PARD3B: variants seen among roughly 807,000 people sequenced by gnomAD.
The protein encoded by PARD3B is par-3 family cell polarity regulator beta.
A neutral mutation model predicts 130.2 loss-of-function variants in PARD3B; 103 were observed. That is an observed-to-expected ratio of 0.79 (90% CI 0.67 to 0.93). The LOEUF is 0.93. PARD3B is among the 40% of genes least tolerant of loss of function. The probability of loss-of-function intolerance (pLI) is 0.00; values close to 1 mark genes in which losing one functional copy is unlikely to be tolerated. For missense variants in PARD3B, 1,609 were observed against 1,499.2 expected (o/e 1.07, Z -1.21); for synonymous variants, 583 against 553.2 (o/e 1.05, Z -0.76).
intron 2 of PARD3B, among the ~76,000 whole-genome samples, chr2:204,755,610 C>T (rs1326384483): frequency 6.6e-6 from 1 of 152,134 alleles, no homozygotes; most frequent in Non-Finnish European, 1.5e-5. Context: ...TAATATTTTT[C>T]TCCCAGTAAA....
intron 15 of PARD3B, among the ~76,000 whole-genome samples, chr2:205,234,191 A>G (rs1379737284): frequency 6.6e-6 from 1 of 152,200 alleles, no homozygotes; most frequent in Admixed American, 6.5e-5. Flanking sequence ...ATGGTGGCTC[A>G]TGCCTGTAAT....
chr2:205,197,032 G>GTGT (rs1398810056), intron 15 of PARD3B, among the ~76,000 whole-genome samples: 3,376 of 54,638 alleles, frequency 0.062, 60 homozygotes, highest in East Asian at 0.088. Flanking sequence ...GTGGGGGGGG[G>GTGT]GTGTGTGTGT....
At chr2:204,602,245 A>T (rs185408621) in intron 1 of PARD3B, among the ~76,000 whole-genome samples, 1 of 152,180 alleles carries the variant, frequency 6.6e-6, no homozygotes, top group South Asian at 2.1e-4. Flanking sequence ...CAACAATACA[A>T]GTATCAGATG....
At chr2:205,587,593 T>C (rs2054243709) in intron 22 of PARD3B, among the ~76,000 whole-genome samples, 1 of 152,224 alleles carries the variant, frequency 6.6e-6, no homozygotes, top group Non-Finnish European at 1.5e-5. Context: ...CTTCTCTCTG[T>C]GGCTTTCCCT....
intron 22 of PARD3B, among the ~76,000 whole-genome samples, chr2:205,559,745 C>T (rs1365742743): frequency 6.6e-6 from 1 of 151,886 alleles, no homozygotes. Flanking sequence ...ATTACAGGCA[C>T]GCACCACCAT....
intron 20 of PARD3B, among the ~76,000 whole-genome samples, chr2:205,448,574 A>G (rs550492549): frequency 2.6e-4 from 40 of 152,342 alleles, no homozygotes; most frequent in African/African-American, 9.1e-4. Context: ...ATTTTAAAGT[A>G]TGGATTTTTG....
chr2:204,996,790 G>GT (rs1373447789), intron 3 of PARD3B, among the ~76,000 whole-genome samples: 1 of 148,542 alleles, frequency 6.7e-6, no homozygotes, highest in Non-Finnish European at 1.5e-5. Context: ...GTGGTGCGCC[G>GT]TTTTTTAAGC....
At chr2:205,112,629 G>A (rs1703724155) in intron 5 of PARD3B, among the ~76,000 whole-genome samples, 1 of 152,006 alleles carries the variant, frequency 6.6e-6, no homozygotes, top group Admixed American at 6.6e-5. Context: ...TATTTTCTCT[G>A]TGGGATTAAC....
chr2:205,193,232 T>C lies in PARD3B; in HGVS notation c.2052T>C (p.Phe684=), dbSNP rs752417974. The C allele has an allele frequency of 6.2e-7, 1 of 1,612,612 alleles. No individual in the cohort carries two copies. Among genetic ancestry groups the C allele is most frequent in the Non-Finnish European group, 8.5e-7 (1 of 1,178,624 alleles). ...CTGGGGTGGATTCAGCAGTATATTT[T>C]CCAGATCAGCACATCAACTTCAGAT... ...HSSGVDSAVY[F]PDQHINFRSV... Residue 684 remains phenylalanine, a synonymous_variant, in exon 15 of 23, where the codon TTT becomes TTC. Coordinates refer to ENST00000406610, the MANE Select transcript of PARD3B (RefSeq NM_001302769.2).
In PARD3B at chr2:205,205,926, G is replaced by T. The variant is rs1400485971; in HGVS notation, c.2140+12606G>T. ...AATTTTCTTCTTTGGTTGTGCCTCT[G>T]CCAGGCTTTGGTATCAGGATGATGC... On this transcript the variant is annotated intron_variant, in intron 15 of 22. Coordinates refer to ENST00000406610, the MANE Select transcript of PARD3B (RefSeq NM_001302769.2). Among the ~76,000 whole-genome samples, 3 of 152,102 alleles carry T rather than the reference G, an allele frequency of 2.0e-5. No individual in the cohort carries two copies. The East Asian group carries it at 5.8e-4, about 29-fold the overall frequency.
intron 15 of PARD3B, among the ~76,000 whole-genome samples, chr2:205,205,526 T>G (rs1402543304): frequency 6.6e-6 from 1 of 152,202 alleles, no homozygotes; most frequent in African/African-American, 2.4e-5. Context: ...CTTGTGCCAG[T>G]TTTCAAAGGG....
intron 2 of PARD3B, among the ~76,000 whole-genome samples, chr2:204,762,073 A>G (rs1470441917): frequency 6.7e-6 from 1 of 149,302 alleles, no homozygotes; most frequent in African/African-American, 2.5e-5. Context: ...TAATGCTTAT[A>G]TATTGAATGA....
intron 10 of PARD3B, among the ~76,000 whole-genome samples, chr2:205,152,420 T>A (rs1244825946): frequency 2.0e-5 from 3 of 152,214 alleles, no homozygotes; most frequent in South Asian, 4.1e-4. Context: ...GTTGGTCTTT[T>A]CACATAGTCC....
At chr2:205,343,960 C>T (rs1209374997) in intron 18 of PARD3B, among the ~76,000 whole-genome samples, 1 of 152,144 alleles carries the variant, frequency 6.6e-6, no homozygotes, top group African/African-American at 2.4e-5. Flanking sequence ...ACTTTCTTTT[C>T]TTTTCTTCTC....
chr2:205,314,236 A>T (rs1024676687), intron 18 of PARD3B, among the ~76,000 whole-genome samples: 1 of 152,224 alleles, frequency 6.6e-6, no homozygotes, highest in Non-Finnish European at 1.5e-5. Flanking sequence ...TTCAAGATGC[A>T]TGAGAGATGA....
At chr2:205,185,624 GT>G (rs1357743877) in intron 13 of PARD3B, 139 bp from the exon 14 acceptor site, 7 of 638,078 alleles carry the variant, frequency 1.1e-5, no homozygotes, top group Non-Finnish European at 2.0e-5. Flanking sequence ...GGATCCTTCA[GT>G]TCTGTATGAG....
intron 20 of PARD3B, among the ~76,000 whole-genome samples, chr2:205,499,473 C>G (rs1013109512): frequency 1.3e-5 from 2 of 152,124 alleles, no homozygotes; most frequent in Non-Finnish European, 2.9e-5. Flanking sequence ...CTAACATATT[C>G]CAGCCCTGTC....
At position 205,162,858 on chromosome 2, in the gene PARD3B, G is replaced by C. The variant is rs145210571; in HGVS notation, c.1620+3951G>C. The stretch of plus-strand genomic sequence containing the variant: ...CTAAATGATCCGTCTGAAGATGTTA[G>C]ATATTTTTATGTTCATTTGCTAAAC... On this transcript the variant is annotated intron_variant, in intron 11 of 22. Coordinates refer to ENST00000406610, the MANE Select transcript of PARD3B (RefSeq NM_001302769.2). Among the ~76,000 whole-genome samples the C allele has an allele frequency of 4.6e-5, 7 of 152,290 alleles. No homozygotes were observed. In the East Asian group the frequency reaches 1.4e-3, roughly 29 times the overall value.
intron 20 of PARD3B, among the ~76,000 whole-genome samples, chr2:205,456,213 C>T (rs1290194684): frequency 1.3e-5 from 2 of 152,138 alleles, no homozygotes; most frequent in East Asian, 3.9e-4. Flanking sequence ...TATGGATGTA[C>T]CATTGCTTAA....
Sources: allele counts gnomAD v4.1 joint callset (sites outside exome capture counted in the v4.1 genomes callset), GRCh38; gene constraint gnomAD v4.1.1; transcripts MANE v1.5; gene names NCBI Gene and HGNC (gene_info 2026-07-23, HGNC 2026-07-21).